Variants in ENPP2 observed in about 807,000 individuals in gnomAD.
ENPP2 encodes the protein ectonucleotide pyrophosphatase/phosphodiesterase 2.
Under a neutral mutation model 120.2 loss-of-function variants are expected in ENPP2, and 51 were observed. The observed-to-expected ratio is 0.42, with a 90% confidence interval of 0.34 to 0.54. The LOEUF (loss-of-function observed/expected upper bound fraction) is 0.54, where lower values mean the gene tolerates loss of function less well. Ranked by LOEUF, ENPP2 falls within the 20% of genes least tolerant of loss-of-function variation. The pLI is 0.04. For synonymous variants in ENPP2, 365 were observed against 366.4 expected, an observed-to-expected ratio of 1.00 and a Z score of 0.04; for missense variants, 920 against 1,066.5, an observed-to-expected ratio of 0.86 and a Z score of 1.91.
rs1255711002 is a variant in ENPP2, at chr8:119,572,282, A to C, written c.1781-1441T>G. 2.0e-6 allele frequency: 3 copies of C among 1,471,402 alleles called. No individual in the cohort carries two copies. The African/African-American group carries it at 4.2e-5, about 21-fold the overall frequency. The allele number at this position is 1,471,402 out of a possible 1,614,324, so 91.1% of individuals were successfully genotyped here. Reference sequence around the variant, plus strand: ...GCAGAAGTATCAAAATTCTTTGAGAAGCTATTCTCTTTTCATCATTTAAGT... The same window carrying C: ...GCAGAAGTATCAAAATTCTTTGAGACGCTATTCTCTTTTCATCATTTAAGT... On this transcript the variant is annotated intron_variant, in intron 19 of 24. Transcript: ENST00000075322.
In ENPP2 at chr8:119,564,837, T is replaced by C. The variant is rs2129977467; in HGVS notation, c.2250A>G (p.Glu750=). Residue 750 remains glutamate (E), a synonymous_variant, in exon 23 of 25, where the codon GAA becomes GAG. Coordinates refer to ENST00000075322, the MANE Select transcript of ENPP2 (RefSeq NM_001040092.3). ...DYDYDGLHDT[E]DKIKQYVEGS... Reference sequence around the variant, plus strand: ...GAAACGCTTACTGTTTTATTTTGTCTTCTGTGTCATGTAAGCCATCATAGT... The same window carrying C: ...GAAACGCTTACTGTTTTATTTTGTCCTCTGTGTCATGTAAGCCATCATAGT... 6.2e-7 allele frequency: 1 copy of C among 1,613,566 alleles called. No homozygotes were observed. The highest frequency in any genetic ancestry group is 8.5e-7 in the Non-Finnish European group (1 of 1,179,718).
At chr8:119,580,619 C>T (rs1299657167) in intron 18 of ENPP2, 1 of 168,022 alleles carries the variant, frequency 6.0e-6, no homozygotes, top group Non-Finnish European at 1.3e-5. Context: ...AGCAACTCTA[C>T]CCTTCACTGT....
At chr8:119,589,039 C>T (rs140335436) in intron 13 of ENPP2, among the ~76,000 whole-genome samples, 31 of 152,242 alleles carry the variant, frequency 2.0e-4, no homozygotes, top group Non-Finnish European at 3.8e-4. Context: ...ACTTATCACA[C>T]AATGCTATTA....
At chr8:119,565,201 AGG>A (rs528558497) in intron 22 of ENPP2, among the ~76,000 whole-genome samples, 3 of 152,276 alleles carry the variant, frequency 2.0e-5, no homozygotes, top group African/African-American at 7.2e-5. Context: ...TTCAAAAGTC[AGG>A]AAAGGATCCT....
At chr8:119,631,661 A>G (rs111655735) in intron 2 of ENPP2, among the ~76,000 whole-genome samples, 228 of 152,310 alleles carry the variant, frequency 1.5e-3, no homozygotes, top group African/African-American at 5.2e-3. Context: ...AAATAGAACA[A>G]TAGAGTGGAA....
At chr8:119,642,109 G>A (rs542131201), upstream of ENPP2, among the ~76,000 whole-genome samples, 8 of 152,120 alleles carry the variant, frequency 5.3e-5, no homozygotes, top group South Asian at 1.7e-3. Context: ...GATGACCTGA[G>A]ACTTCTAGGA....
chr8:119,626,225 C>T (rs968925030), intron 3 of ENPP2, among the ~76,000 whole-genome samples: 13 of 152,062 alleles, frequency 8.5e-5, no homozygotes, highest in African/African-American at 3.1e-4. Flanking sequence ...AAAGAACATA[C>T]ACAATTTTAG....
chr8:119,577,468 A>G (rs1035974105), intron 19 of ENPP2, among the ~76,000 whole-genome samples: 1 of 152,258 alleles, frequency 6.6e-6, no homozygotes, highest in Non-Finnish European at 1.5e-5. Flanking sequence ...TCGCTTTGCC[A>G]CTGAAGAAAT....
intron 2 of ENPP2, among the ~76,000 whole-genome samples, chr8:119,638,082 C>T (rs1212708237): frequency 6.6e-6 from 1 of 152,172 alleles, no homozygotes; most frequent in Non-Finnish European, 1.5e-5. Flanking sequence ...CATGTGACAG[C>T]AAATCAGATT....
chr8:119,586,729 T>C (rs913870564), intron 14 of ENPP2, among the ~76,000 whole-genome samples: 21 of 152,076 alleles, frequency 1.4e-4, no homozygotes, highest in Admixed American at 3.3e-4. Context: ...CCGGGAACAA[T>C]GGAGCAGAGT....
In ENPP2 at chr8:119,623,303, AAG is replaced by A. The variant is rs1370869343; in HGVS notation, c.293-1786_293-1785del. On this transcript the variant is annotated intron_variant, in intron 3 of 24. Transcript: ENST00000075322. ...ACATGGTGAAACCCCGTCTCTACTA[AAG>A]ATACAAAAAATTAGCCGGGCATGGT... Among the ~76,000 whole-genome samples, 17 of 152,064 alleles carry A rather than the reference AAG, an allele frequency of 1.1e-4. No individual in the cohort carries two copies. The East Asian group carries it at 2.0e-3, about 17-fold the overall frequency.
chr8:119,663,609 A>G (rs951644945), intron 1 of ENPP2, among the ~76,000 whole-genome samples: 2 of 152,194 alleles, frequency 1.3e-5, no homozygotes, highest in Non-Finnish European at 2.9e-5. Context: ...ATAACCTAAC[A>G]CAAGCAATAT....
intron 3 of ENPP2, among the ~76,000 whole-genome samples, chr8:119,624,177 T>A (rs917222575): frequency 6.6e-6 from 1 of 152,188 alleles, no homozygotes; most frequent in Non-Finnish European, 1.5e-5. Context: ...TAATAAGCTA[T>A]GTTTATTGAG....
intron 19 of ENPP2, among the ~76,000 whole-genome samples, chr8:119,579,170 T>C (rs1435578939): frequency 2.0e-5 from 3 of 152,226 alleles, no homozygotes; most frequent in African/African-American, 7.2e-5. Flanking sequence ...TCCTCCAATT[T>C]TGTGAAACTT....
rs564437963 is a variant in ENPP2 at position 119,659,516 on chromosome 8, T to C, written c.21+13736A>G. Among the ~76,000 whole-genome samples, 5 of 152,266 alleles carry C rather than the reference T, an allele frequency of 3.3e-5. No individual in the cohort carries two copies. In the East Asian group the frequency reaches 7.7e-4, roughly 24 times the overall value. On this transcript the variant is annotated intron_variant, in intron 1 of 25. Transcript: ENST00000427067. Reference sequence around the variant, plus strand: ...CATGAGGCTTCACTTCAGCAAAGCCTCCAGGCTTCCCTGCCAGGACTTTGA... The same window carrying C: ...CATGAGGCTTCACTTCAGCAAAGCCCCCAGGCTTCCCTGCCAGGACTTTGA...
intron 22 of ENPP2, among the ~76,000 whole-genome samples, chr8:119,565,500 T>G (rs1031783638): frequency 6.6e-6 from 1 of 152,178 alleles, no homozygotes; most frequent in African/African-American, 2.4e-5. Flanking sequence ...TTAATGTTCC[T>G]TCCTAATCCT....
rs748730503 is a variant in ENPP2 at position 119,600,738 on chromosome 8, A to G, written c.912T>C (p.Tyr304=). The part of the protein sequence containing the change: ...TLPDHERPSV[Y]AFYSEQPDFS... Reference sequence around the variant, plus strand: ...AATCAGGTTGCTCAGAATAGAAGGCATAGACCGAAGGCCTATAAGAAAATT... The same window carrying G: ...AATCAGGTTGCTCAGAATAGAAGGCGTAGACCGAAGGCCTATAAGAAAATT... Residue 304 remains tyrosine, a synonymous_variant, in exon 11 of 25, where the codon TAT becomes TAC. Coordinates refer to ENST00000075322, the MANE Select transcript of ENPP2 (RefSeq NM_001040092.3). 1.2e-6 allele frequency: 2 copies of G among 1,610,126 alleles called. No individual in the cohort carries two copies. The highest frequency in any genetic ancestry group is 1.7e-5 in the Admixed American group (1 of 59,984).
chr8:119,583,908 T>A (rs367995044), intron 16 of ENPP2, 54 bp downstream of exon 16: 98 of 1,454,066 alleles, frequency 6.7e-5, no homozygotes, highest in Non-Finnish European at 8.9e-5. Flanking sequence ...CCATTACTTA[T>A]CCTTTCGAAG....
At position 119,557,340 on chromosome 8, in the gene ENPP2, C is replaced by T; in HGVS notation, c.*181G>A. 3 of 568,684 alleles carry T rather than the reference C, an allele frequency of 5.3e-6. No homozygotes were observed. The highest frequency in any genetic ancestry group is 2.2e-5 in the South Asian group (1 of 44,966). The allele number at this position is 568,684 out of a possible 1,614,324, so 35.2% of individuals were successfully genotyped here. A position where few individuals can be genotyped will look rare whatever the true frequency, so the allele number is the denominator to read the frequency against. On this transcript the variant is annotated 3_prime_UTR_variant, in exon 25 of 25. Coordinates refer to ENST00000075322, the MANE Select transcript of ENPP2 (RefSeq NM_001040092.3). ...TTTATTACAAGCTCTACTCAGAACA[C>T]AAGGCTACCTAAATCAAGCATTAGA...
Sources: allele counts gnomAD v4.1 joint callset (sites outside exome capture counted in the v4.1 genomes callset), GRCh38; gene constraint gnomAD v4.1.1; transcripts MANE v1.5; gene names NCBI Gene and HGNC (gene_info 2026-07-23, HGNC 2026-07-21).